TMEM230: variants seen among roughly 807,000 people sequenced by gnomAD.
TMEM230 encodes transmembrane protein 230.
A neutral mutation model predicts 15.8 loss-of-function variants in TMEM230; 10 were observed. That is an observed-to-expected ratio of 0.63 (90% CI 0.39 to 1.07). The LOEUF is 1.07. Ranked by LOEUF, TMEM230 falls within the 50% of genes least tolerant of loss-of-function variation. TMEM230 has a pLI of 0.01. For synonymous variants in TMEM230, 67 were observed against 76.9 expected, an observed-to-expected ratio of 0.87 and a Z score of 0.68; for missense variants, 165 against 193.3, an observed-to-expected ratio of 0.85 and a Z score of 0.87.
chr20:5,107,427 T>A (rs897225399), intron 3 of TMEM230, among the ~76,000 whole-genome samples: 3 of 152,086 alleles, frequency 2.0e-5, no homozygotes, highest in African/African-American at 7.2e-5. Context: ...GATGAAGCTC[T>A]AGTTATTGCT....
At chr20:5,091,192 G>A (rs981678590) in intron 3 of TMEM230, among the ~76,000 whole-genome samples, 1 of 151,860 alleles carries the variant, frequency 6.6e-6, no homozygotes, top group Non-Finnish European at 1.5e-5. Flanking sequence ...AAGGATTTTT[G>A]TTGTTGTTGT....
rs78467236 is a variant in TMEM230 at position 5,080,406 on chromosome 20, T to C, written c.223-11057A>G. Among the ~76,000 whole-genome samples, 17 of 152,326 alleles carry C rather than the reference T, an allele frequency of 1.1e-4. No homozygotes were observed. The East Asian group carries it at 3.1e-3, about 28-fold the overall frequency. ...GACTGAAAGTTGCTGTGTTAACTGA[T>C]ACAATTTAATTTCTACTGTCTTCTG... On this transcript the variant is annotated intron_variant, in intron 3 of 3. Coordinates refer to the TMEM230 transcript ENST00000612323.
At position 5,102,662 on chromosome 20, in the gene TMEM230, C is replaced by A. The variant is rs1367283484; in HGVS notation, c.412-1731G>T. On this transcript the variant is annotated intron_variant, in intron 4 of 4. Transcript: ENST00000342308. ...GCTGAGATCGCACCACTGCACTACACCTGCATGACAGATGAGACCCTGTCT... is the reference window on the plus strand; with the variant it reads ...GCTGAGATCGCACCACTGCACTACAACTGCATGACAGATGAGACCCTGTCT... Among the ~76,000 whole-genome samples the A allele has an allele frequency of 4.1e-5, 6 of 148,148 alleles. No individual in the cohort carries two copies. In the East Asian group the frequency reaches 9.9e-4, roughly 24 times the overall value.
intron 2 of TMEM230, 25 bp from the exon 2 acceptor site, chr20:5,109,470 G>T: frequency 3.9e-6 from 6 of 1,553,700 alleles, no homozygotes; most frequent in Non-Finnish European, 5.3e-6. Flanking sequence ...CAAAAAACCC[G>T]TTATTGTCTG....
At chr20:5,085,007 C>T (rs2089294667) in intron 3 of TMEM230, among the ~76,000 whole-genome samples, 1 of 152,140 alleles carries the variant, frequency 6.6e-6, no homozygotes, top group South Asian at 2.1e-4. Context: ...TTAAAATAGT[C>T]CATTTCATTT....
intron 3 of TMEM230, among the ~76,000 whole-genome samples, chr20:5,071,646 G>C (rs955587862): frequency 5.3e-5 from 8 of 150,464 alleles, no homozygotes; most frequent in African/African-American, 1.7e-4. Flanking sequence ...AAACAAAAAG[G>C]GTACATAGAT....
At chr20:5,099,617 G>A (rs907591863), downstream of TMEM230, among the ~76,000 whole-genome samples, 6 of 151,908 alleles carry the variant, frequency 3.9e-5, no homozygotes, top group African/African-American at 4.8e-5. Context: ...CACATGCATC[G>A]CAACTGCCTC....
chr20:5,103,531 C>T (rs747328192), intron 4 of TMEM230, among the ~76,000 whole-genome samples: 1 of 151,286 alleles, frequency 6.6e-6, no homozygotes, highest in Non-Finnish European at 1.5e-5. Flanking sequence ...AGTGTGGTGG[C>T]ACATGCCTGT....
chr20:5,084,304 A>G (rs551419216), intron 3 of TMEM230, among the ~76,000 whole-genome samples: 2 of 150,588 alleles, frequency 1.3e-5, no homozygotes, highest in African/African-American at 4.9e-5. Flanking sequence ...GCTCACTGCA[A>G]CCTCCACCTC....
At chr20:5,073,742 C>A (rs1344080909) in intron 3 of TMEM230, among the ~76,000 whole-genome samples, 1 of 152,200 alleles carries the variant, frequency 6.6e-6, no homozygotes, top group East Asian at 1.9e-4. Flanking sequence ...ATTATGCCAC[C>A]CCAAAATATG....
intron 3 of TMEM230, 94 bp from the exon 3 acceptor site, chr20:5,106,404 TTTTG>T (rs1163646575): frequency 2.5e-5 from 35 of 1,424,820 alleles, no homozygotes; most frequent in East Asian, 5.1e-5. Context: ...ATTTTTATGT[TTTTG>T]TTTGTTTGTT....
chr20:5,097,102 G>C (rs1450775474), downstream of TMEM230, among the ~76,000 whole-genome samples: 1 of 152,172 alleles, frequency 6.6e-6, no homozygotes, highest in Admixed American at 6.5e-5. Context: ...AGAACTTGGG[G>C]ATAGGTGGTC....
intron 3 of TMEM230, among the ~76,000 whole-genome samples, chr20:5,092,463 A>C (rs1228077751): frequency 6.6e-6 from 1 of 152,160 alleles, no homozygotes; most frequent in Non-Finnish European, 1.5e-5. Context: ...CACGCCTGTA[A>C]TCCCTGCACT....
intron 3 of TMEM230, among the ~76,000 whole-genome samples, chr20:5,078,532 T>G (rs1469663239): frequency 2.0e-5 from 3 of 152,218 alleles, no homozygotes; most frequent in Admixed American, 2.0e-4. Flanking sequence ...ATCTAGTGGC[T>G]TAACACAACA....
intron 3 of TMEM230, among the ~76,000 whole-genome samples, chr20:5,083,146 T>G (rs2089232162): frequency 6.6e-6 from 1 of 152,026 alleles, no homozygotes; most frequent in African/African-American, 2.4e-5. Flanking sequence ...CATGCTGGTC[T>G]CGAACTCCTG....
Sources: allele counts gnomAD v4.1 joint callset (sites outside exome capture counted in the v4.1 genomes callset), GRCh38; gene constraint gnomAD v4.1.1; transcripts MANE v1.5; gene names NCBI Gene and HGNC (gene_info 2026-07-23, HGNC 2026-07-21).